LRRIQ1: variants seen among roughly 807,000 people sequenced by gnomAD.
LRRIQ1 encodes the protein leucine-rich repeat- and IQ domain-containing protein 1.
Under a neutral mutation model 211.9 loss-of-function variants are expected in LRRIQ1, and 210 were observed. That is an observed-to-expected ratio of 0.99 (90% CI 0.89 to 1.11). The LOEUF is 1.11. Ranked by LOEUF, LRRIQ1 falls within the 50% of genes most tolerant of loss-of-function variation. The probability of loss-of-function intolerance (pLI) is 0.00; values close to 1 mark genes in which losing one functional copy is unlikely to be tolerated. For missense variants in LRRIQ1, 2,136 were observed against 1,939.5 expected, an observed-to-expected ratio of 1.10 and a Z score of -1.90; for synonymous variants, 699 against 650.1, an observed-to-expected ratio of 1.08 and a Z score of -1.14.
In LRRIQ1 at chr12:85,121,716, T is replaced by A; in HGVS notation, c.3397T>A (p.Leu1133Met). ...TNWRDSLLKVLPALRILNGNI... is the reference protein window; with the variant it reads ...TNWRDSLLKVMPALRILNGNI... ...CAATAGGGATTCTCTACTTAAAGTG[T>A]TGCCTGCTCTGAGAATCCTCAATGG... Residue 1133 changes from leucine to methionine, a missense_variant, in exon 16 of 27, where the codon TTG (leucine) becomes ATG (methionine). Coordinates refer to ENST00000393217, the MANE Select transcript of LRRIQ1 (RefSeq NM_001079910.2). The A allele has an allele frequency of 6.3e-7, 1 of 1,585,712 alleles. No individual in the cohort carries two copies. Among genetic ancestry groups the A allele is most frequent in the Non-Finnish European group, 8.6e-7 (1 of 1,168,286 alleles).
chr12:85,217,610 GTA>G (rs368931157), intron 24 of LRRIQ1, among the ~76,000 whole-genome samples: 4,842 of 133,516 alleles, frequency 0.036, 295 homozygotes, highest in East Asian at 0.16. Context: ...ATGTATATGT[GTA>G]TATATATGTA....
chr12:85,077,983 G>C lies in LRRIQ1; in HGVS notation c.2887+4885G>C, dbSNP rs1362919429. Among the ~76,000 whole-genome samples the C allele has an allele frequency of 4.5e-5, 4 of 87,960 alleles. 1 individual carries two copies. The East Asian group carries it at 1.0e-3, about 22-fold the overall frequency. 57.7% of individuals were successfully genotyped at this position (87,960 alleles called of 152,430 possible). A position where few individuals can be genotyped will look rare whatever the true frequency, so the allele number is the denominator to read the frequency against. On this transcript the variant is annotated intron_variant, in intron 11 of 26. Transcript: ENST00000393217. Reference sequence around the variant, plus strand: ...AACCTGGGCACCAGAACGAGACCCTGTCTCAAAAAAAAAAAAAATTGATTA... The same window carrying C: ...AACCTGGGCACCAGAACGAGACCCTCTCTCAAAAAAAAAAAAAATTGATTA...
intron 24 of LRRIQ1, among the ~76,000 whole-genome samples, chr12:85,220,623 T>C (rs1565911773): frequency 6.6e-6 from 1 of 150,638 alleles, no homozygotes; most frequent in African/African-American, 2.4e-5. Flanking sequence ...TGTGTTTTAT[T>C]TTTATTTATT....
chr12:85,147,529 C>T (rs1487854875), intron 19 of LRRIQ1, among the ~76,000 whole-genome samples: 4 of 151,660 alleles, frequency 2.6e-5, no homozygotes, highest in African/African-American at 4.8e-5. Context: ...ATGTGGCAGA[C>T]CCAACTGTTA....
chr12:85,130,105 C>T (rs1888647472), intron 18 of LRRIQ1, among the ~76,000 whole-genome samples: 1 of 152,168 alleles, frequency 6.6e-6, no homozygotes, highest in South Asian at 2.1e-4. Flanking sequence ...AAGTTCTCAG[C>T]TCTTAATATT....
At chr12:85,111,280 C>T (rs1887154976) in intron 15 of LRRIQ1, among the ~76,000 whole-genome samples, 1 of 152,108 alleles carries the variant, frequency 6.6e-6, no homozygotes, top group South Asian at 2.1e-4. Flanking sequence ...TGACATATAA[C>T]CACTCTGCTT....
At chr12:85,164,365 T>A (rs1422164382) in intron 24 of LRRIQ1, among the ~76,000 whole-genome samples, 2 of 152,190 alleles carry the variant, frequency 1.3e-5, no homozygotes, top group Non-Finnish European at 2.9e-5. Flanking sequence ...GGGAAGTTGT[T>A]TAACTTCTCT....
intron 11 of LRRIQ1, among the ~76,000 whole-genome samples, chr12:85,089,212 T>A (rs1251959764): frequency 1.3e-5 from 2 of 152,226 alleles, no homozygotes; most frequent in Non-Finnish European, 2.9e-5. Context: ...GTGGTTTTTG[T>A]CTTTGGTTCT....
rs1015568768 is a variant in LRRIQ1, at chr12:85,244,678, A to T, written c.5017-111A>T. 27 of 919,464 alleles carry T rather than the reference A, an allele frequency of 2.9e-5. No individual in the cohort carries two copies. The Admixed American group carries it at 5.7e-4, about 20-fold the overall frequency. 57.0% of individuals were successfully genotyped at this position (919,464 alleles called of 1,614,324 possible). A position where few individuals can be genotyped will look rare whatever the true frequency, so the allele number is the denominator to read the frequency against. ...AATAAAGGATTGTGGTATCATTTTG[A>T]AGAAGGTTGTTTGACAGAGCCTGTT... On this transcript the variant is annotated intron_variant, in intron 26 of 26. Transcript: ENST00000393217.
chr12:85,266,875 A>T (rs1167735850), downstream of LRRIQ1, among the ~76,000 whole-genome samples: 1 of 152,132 alleles, frequency 6.6e-6, no homozygotes, highest in Non-Finnish European at 1.5e-5. Context: ...TTAATAATGC[A>T]ACAGGAAAAG....
At chr12:85,190,573 A>G (rs1892460626) in intron 24 of LRRIQ1, among the ~76,000 whole-genome samples, 1 of 150,660 alleles carries the variant, frequency 6.6e-6, no homozygotes, top group Non-Finnish European at 1.5e-5. Context: ...ATAAGGTAAC[A>G]TAAATGCATA....
At chr12:85,149,922 A>G (rs1161470766) in intron 19 of LRRIQ1, among the ~76,000 whole-genome samples, 3 of 151,948 alleles carry the variant, frequency 2.0e-5, no homozygotes, top group African/African-American at 7.2e-5. Flanking sequence ...TTAAATATTA[A>G]TTAGAAAATG....
At chr12:85,057,751 T>C (rs1881300302) in intron 8 of LRRIQ1, among the ~76,000 whole-genome samples, 1 of 152,074 alleles carries the variant, frequency 6.6e-6, no homozygotes, top group African/African-American at 2.4e-5. Flanking sequence ...TAATTTTATA[T>C]GGTTATGGAG....
intron 24 of LRRIQ1, among the ~76,000 whole-genome samples, chr12:85,183,605 A>G (rs553574773): frequency 1.7e-4 from 26 of 152,298 alleles, no homozygotes; most frequent in South Asian, 2.1e-4. Flanking sequence ...AATCATTATT[A>G]GCACAGGAAT....
intron 12 of LRRIQ1, 46 bp downstream of exon 12, chr12:85,098,594 TC>T (rs1886101509): frequency 6.8e-7 from 1 of 1,466,740 alleles, no homozygotes. Flanking sequence ...GCAACACTTT[TC>T]TTTTGATAGA....
At chr12:85,202,877 C>T (rs576420221) in intron 24 of LRRIQ1, among the ~76,000 whole-genome samples, 2 of 151,858 alleles carry the variant, frequency 1.3e-5, no homozygotes, top group African/African-American at 2.4e-5. Flanking sequence ...TGTGTAGTCT[C>T]ACTGGCCTAT....
At chr12:85,242,001 G>A (rs1895483440) in intron 26 of LRRIQ1, among the ~76,000 whole-genome samples, 1 of 151,934 alleles carries the variant, frequency 6.6e-6, no homozygotes, top group Non-Finnish European at 1.5e-5. Context: ...GAAATTATAG[G>A]GCGGAAGTGG....
rs766961193 is a variant in LRRIQ1 at position 85,081,723 on chromosome 12, C to CTTTT, written c.2887+8642_2887+8645dup. On this transcript the variant is annotated intron_variant, in intron 11 of 26. Transcript: ENST00000393217. ...TTTATGCCCTTTATTTCTTCTTCTTCTTTTTTTTTTTTTTTTTTTTGAGAC... is the reference window on the plus strand; with the variant it reads ...TTTATGCCCTTTATTTCTTCTTCTTCTTTTTTTTTTTTTTTTTTTTTTTTGAGAC... 4.7e-3 allele frequency among the ~76,000 whole-genome samples: 533 copies of CTTTT among 113,376 alleles called. 10 individuals are homozygous for CTTTT. Among genetic ancestry groups the CTTTT allele is most frequent in the African/African-American group, 9.3e-3 (258 of 27,628 alleles). The allele number at this position is 113,376 out of a possible 152,430, so 74.4% of individuals were successfully genotyped here.
At chr12:85,049,092 A>C (rs951467078) in intron 6 of LRRIQ1, among the ~76,000 whole-genome samples, 4 of 152,186 alleles carry the variant, frequency 2.6e-5, no homozygotes, top group Non-Finnish European at 5.9e-5. Flanking sequence ...TGAATTCCTA[A>C]ATATGTCCTT....
Sources: allele counts gnomAD v4.1 joint callset (sites outside exome capture counted in the v4.1 genomes callset), GRCh38; gene constraint gnomAD v4.1.1; transcripts MANE v1.5; gene names NCBI Gene and HGNC (gene_info 2026-07-23, HGNC 2026-07-21).